PRH1: variants seen among roughly 807,000 people sequenced by gnomAD.
The protein encoded by PRH1 is proline rich protein HaeIII subfamily 1.
A neutral mutation model predicts 7.9 loss-of-function variants in PRH1; 7 were observed. That is an observed-to-expected ratio of 0.89 (90% CI 0.50 to 1.67). The LOEUF is 1.67. PRH1 is among the 40% of genes most tolerant of loss of function. PRH1 has a pLI of 0.00. For synonymous variants in PRH1, 45 were observed against 80.8 expected (o/e 0.56, Z 2.38); for missense variants, 109 against 223.6 (o/e 0.49, Z 3.27).
chr12:10,939,144 A>G (rs1362975545), intron 2 of PRH1: 1 of 1,602,172 alleles, frequency 6.2e-7, no homozygotes, highest in South Asian at 1.1e-5. Flanking sequence ...CTATTTCCTA[A>G]ATTTCCAATT....
At chr12:11,070,565 C>G (rs1341934598) in intron 1 of PRH1, among the ~76,000 whole-genome samples, 1 of 152,196 alleles carries the variant, frequency 6.6e-6, no homozygotes, top group Non-Finnish European at 1.5e-5. Flanking sequence ...TCCTTTCTTT[C>G]CTGCTCTCTT....
At chr12:11,048,668 G>A, upstream of PRH1, 3 of 543,810 alleles carry the variant, frequency 5.5e-6, no homozygotes. Context: ...TAGATTAACA[G>A]CAGAAAAGAT....
intron 1 of PRH1, among the ~76,000 whole-genome samples, chr12:11,105,689 C>G (rs928551081): frequency 1.3e-5 from 2 of 152,148 alleles, no homozygotes; most frequent in African/African-American, 2.4e-5. Context: ...TTGTGTTCAG[C>G]AACTTCAGTT....
At position 10,963,621 on chromosome 12, in the gene PRH1, G is replaced by A. The variant is rs113616463; in HGVS notation, c.-59+10034C>T. ...AAGGTTTTCTTTACCTCAAAAACTG[G>A]AAGAAATGACTTTTCTACCTGTATA... On this transcript the variant is annotated intron_variant, in intron 2 of 3. Coordinates refer to the PRH1 transcript ENST00000539853. Among the ~76,000 whole-genome samples, 616 of 152,234 alleles carry A rather than the reference G, an allele frequency of 4.0e-3. 3 individuals are homozygous for A. Among genetic ancestry groups the A allele is most frequent in the Non-Finnish European group, 6.6e-3 (449 of 68,004 alleles).
At chr12:10,970,809 C>G (rs1348529830) in intron 2 of PRH1, among the ~76,000 whole-genome samples, 1 of 141,616 alleles carries the variant, frequency 7.1e-6, no homozygotes, top group Non-Finnish European at 1.6e-5. Flanking sequence ...TCAGGTGATC[C>G]ACCCGCTCAG....
chr12:10,971,087 A>T (rs1341592923), intron 2 of PRH1, among the ~76,000 whole-genome samples: 1 of 138,662 alleles, frequency 7.2e-6, no homozygotes, highest in Non-Finnish European at 1.6e-5. Flanking sequence ...AGAAAAAGTT[A>T]TAACTTTACT....
intron 2 of PRH1, among the ~76,000 whole-genome samples, chr12:10,913,604 G>A (rs938104292): frequency 6.6e-5 from 10 of 152,126 alleles, no homozygotes; most frequent in Admixed American, 2.0e-4. Flanking sequence ...CATAGAGGTC[G>A]TAAAATGGGA....
intron 1 of PRH1, among the ~76,000 whole-genome samples, chr12:11,127,440 A>C (rs9697720): frequency 0.18 from 23,996 of 130,006 alleles, no homozygotes; most frequent in East Asian, 0.45. Flanking sequence ...AATCATGACC[A>C]CTGTTGAATC....
intron 2 of PRH1, among the ~76,000 whole-genome samples, chr12:10,946,655 G>A (rs147956796): frequency 0.02 from 3,010 of 152,072 alleles, 34 homozygotes; most frequent in South Asian, 0.032. Flanking sequence ...GCTCTGATTT[G>A]TGTTATTCCT....
chr12:11,026,989 G>A (rs1941948491), intron 1 of PRH1, among the ~76,000 whole-genome samples: 2 of 152,192 alleles, frequency 1.3e-5, no homozygotes, highest in African/African-American at 4.8e-5. Context: ...TACAGACCAG[G>A]CCCTGTGGCA....
intron 1 of PRH1, chr12:11,061,493 C>A (rs370408044): frequency 1.2e-6 from 2 of 1,614,144 alleles, no homozygotes; most frequent in Admixed American, 1.7e-5. Context: ...TAGCTGAATG[C>A]AATAGCTTCG....
intron 1 of PRH1, among the ~76,000 whole-genome samples, chr12:11,100,679 C>G (rs1945209246): frequency 6.6e-6 from 1 of 152,198 alleles, no homozygotes; most frequent in Non-Finnish European, 1.5e-5. Flanking sequence ...TCTCAGCAAA[C>G]TATCACAAAT....
At chr12:11,135,130 AT>A (rs1946508117) in intron 1 of PRH1, among the ~76,000 whole-genome samples, 1 of 152,100 alleles carries the variant, frequency 6.6e-6, no homozygotes, top group Admixed American at 6.6e-5. Context: ...AATATTTATT[AT>A]TTAATTAAAA....
At chr12:11,122,079 C>T (rs544003667) in intron 1 of PRH1, among the ~76,000 whole-genome samples, 2 of 152,288 alleles carry the variant, frequency 1.3e-5, no homozygotes, top group African/African-American at 4.8e-5. Flanking sequence ...TACACATGCA[C>T]ACATATACAC....
chr12:10,965,141 A>G (rs961855491), intron 2 of PRH1: 35 of 1,436,842 alleles, frequency 2.4e-5, no homozygotes, highest in Non-Finnish European at 3.1e-5. Flanking sequence ...ACCTGGATTC[A>G]AAACAGTTGC....
At chr12:11,061,793 G>C (rs200937291) in intron 1 of PRH1, 3 of 1,443,894 alleles carry the variant, frequency 2.1e-6, no homozygotes, top group Non-Finnish European at 2.8e-6. Flanking sequence ...GCACTCCTCA[G>C]TTTGATCTTC....
At chr12:11,130,081 G>C (rs1036677805) in intron 1 of PRH1, among the ~76,000 whole-genome samples, 10 of 152,180 alleles carry the variant, frequency 6.6e-5, no homozygotes, top group Non-Finnish European at 1.5e-4. Flanking sequence ...TGCCCAGAAG[G>C]TTGAGGCTGC....
At chr12:10,973,829 T>C in intron 1 of PRH1, 7 of 612,010 alleles carry the variant, frequency 1.1e-5, no homozygotes, top group Non-Finnish European at 1.5e-5. Context: ...AGAGTCTTTA[T>C]AGGTGAAGAG....
chr12:11,170,607 T>C (rs949915533), intron 1 of PRH1, among the ~76,000 whole-genome samples: 2 of 152,208 alleles, frequency 1.3e-5, no homozygotes, highest in Non-Finnish European at 2.9e-5. Flanking sequence ...TCTTGGAGCC[T>C]AGCCACAGGT....
Sources: gnomAD v4.1 joint callset for allele counts (sites outside exome capture counted in the v4.1 genomes callset) on GRCh38, gnomAD v4.1.1 for gene constraint, MANE v1.5 for transcripts, NCBI Gene and HGNC (gene_info 2026-07-23, HGNC 2026-07-21) for gene names.